Variants in MANEAL observed in about 807,000 individuals in gnomAD.
MANEAL encodes the protein mannosidase endo-alpha like.
A neutral mutation model predicts 35.9 loss-of-function variants in MANEAL; 28 were observed. The ratio of observed to expected loss-of-function variants is 0.78; its 90% CI spans 0.58 to 1.07. MANEAL has a LOEUF of 1.07. Ranked by LOEUF, MANEAL falls within the 50% of genes least tolerant of loss-of-function variation. The probability of loss-of-function intolerance (pLI) is 0.00; values close to 1 mark genes in which losing one functional copy is unlikely to be tolerated. For synonymous variants in MANEAL, 286 were observed against 272.2 expected, an observed-to-expected ratio of 1.05 and a Z score of -0.50; for missense variants, 576 against 629.6, an observed-to-expected ratio of 0.91 and a Z score of 0.91.
chr1:37,800,338 C>T lies in MANEAL; in HGVS notation c.*135C>T. 1 of 1,094,142 alleles carries T rather than the reference C, an allele frequency of 9.1e-7. No homozygotes were observed. The highest frequency in any genetic ancestry group is 1.3e-6 in the Non-Finnish European group (1 of 771,770). 67.8% of individuals were successfully genotyped at this position (1,094,142 alleles called of 1,614,324 possible). On this transcript the variant is annotated 3_prime_UTR_variant, in exon 4 of 4. Transcript: ENST00000373045. ...CAGCAGATGGGTGTTTCTGGGTGGG[C>T]CGTCAGGCATGGGCCTGTGCAACAC...
rs762626346 is a variant in MANEAL, at chr1:37,794,302, G to T, written c.120G>T (p.Pro40=). 8.3e-7 allele frequency: 1 copy of T among 1,199,502 alleles called. No individual in the cohort carries two copies. The allele number at this position is 1,199,502 out of a possible 1,614,324, so 74.3% of individuals were successfully genotyped here. A position where few individuals can be genotyped will look rare whatever the true frequency, so the allele number is the denominator to read the frequency against. ...KAPDGLPALG[P]GLELAPFERR... is the part of the protein sequence containing the mutation. ...CGGACGGACTCCCGGCGCTGGGCCC[G>T]GGCCTGGAGCTGGCGCCCTTTGAGC... The change falls in exon 1 of 4, where the codon CCG becomes CCT. Residue 40 remains proline (P), a synonymous_variant. Coordinates refer to ENST00000373045, the MANE Select transcript of MANEAL (RefSeq NM_001113482.2). The surrounding 1 kb of genome is among the most constrained non-coding windows in gnomAD (Gnocchi z 5.7).
chr1:37,796,747 GCCTTCCACATCCAAC>G lies in MANEAL; in HGVS notation c.668_682del (p.Phe223_Pro227del). 3.1e-6 allele frequency: 5 copies of G among 1,594,378 alleles called. No individual in the cohort carries two copies. Among genetic ancestry groups the G allele is most frequent in the Non-Finnish European group, 4.3e-6 (5 of 1,171,232 alleles). ...ATTACTCCTCTGTTTGTGGCAGGTG[GCCTTCCACATCCAAC>G]CCTACAAGGGCCGGGATGACATCAC... On this transcript the variant is annotated inframe_deletion, in exon 3 of 4. Coordinates refer to ENST00000373045, the MANE Select transcript of MANEAL (RefSeq NM_001113482.2).
intron 1 of MANEAL, 80 bp from the exon 2 acceptor site, chr1:37,795,657 T>G: frequency 1.3e-6 from 2 of 1,595,852 alleles, no homozygotes; most frequent in Non-Finnish European, 1.7e-6. Context: ...TTTTTGCAAT[T>G]GGAGATGTTT....
At chr1:37,796,087 A>G (rs1039529142) in intron 2 of MANEAL, among the ~76,000 whole-genome samples, 1 of 152,210 alleles carries the variant, frequency 6.6e-6, no homozygotes, top group African/African-American at 2.4e-5. Context: ...CTAAATAATT[A>G]TCACTTTTGT....
At chr1:37,798,798 A>G (rs1295124927) in intron 3 of MANEAL, among the ~76,000 whole-genome samples, 2 of 151,758 alleles carry the variant, frequency 1.3e-5, no homozygotes, top group East Asian at 1.9e-4. Context: ...CAGCACTTTG[A>G]GAGGCTGAGG....
chr1:37,794,274 C>A lies in MANEAL; in HGVS notation c.92C>A (p.Ala31Asp). Reference protein sequence around the residue: ...GTLMGLRTLKAPDGLPALGPG... With the variant: ...GTLMGLRTLKDPDGLPALGPG... ...CTCATGGGTCTGCGCACGCTCAAGGCTCCGGACGGACTCCCGGCGCTGGGC... is the reference window on the plus strand; with the variant it reads ...CTCATGGGTCTGCGCACGCTCAAGGATCCGGACGGACTCCCGGCGCTGGGC... The change falls in exon 1 of 4, where the codon GCT (alanine) becomes GAT (aspartate). Residue 31 changes from alanine (A) to aspartate (D), a missense_variant. Physicochemically the swap from Ala to Asp is moderately radical, Grantham distance 126 (BLOSUM62 -2). Coordinates refer to ENST00000373045, the MANE Select transcript of MANEAL (RefSeq NM_001113482.2). The surrounding 1 kb of genome is among the most constrained non-coding windows in gnomAD (Gnocchi z 5.7). 1 of 1,271,852 alleles carries A rather than the reference C, an allele frequency of 7.9e-7. No homozygotes were observed. Among genetic ancestry groups the A allele is most frequent in the Non-Finnish European group, 1.0e-6 (1 of 994,626 alleles). The allele number at this position is 1,271,852 out of a possible 1,614,324, so 78.8% of individuals were successfully genotyped here. A position where few individuals can be genotyped will look rare whatever the true frequency, so the allele number is the denominator to read the frequency against.
At chr1:37,795,946 A>G in intron 2 of MANEAL, 100 bp downstream of exon 2, 2 of 1,000,144 alleles carry the variant, frequency 2.0e-6, no homozygotes, top group Non-Finnish European at 3.1e-6. Flanking sequence ...TCTTGGCAGT[A>G]GCCCAAAGGG....
intron 1 of MANEAL, 91 bp from the exon 2 acceptor site, chr1:37,795,646 A>G (rs1569808361): frequency 2.0e-5 from 32 of 1,588,548 alleles, no homozygotes; most frequent in Non-Finnish European, 2.7e-5. Flanking sequence ...TTTAGGAACC[A>G]TTTTTGCAAT....
In MANEAL at chr1:37,794,200, C is replaced by T. The variant is rs148867601; in HGVS notation, c.18C>T (p.Arg6=). 3,537 of 1,291,738 alleles carry T rather than the reference C, an allele frequency of 2.7e-3. 92 individuals carry two copies. The African/African-American group carries it at 0.051, about 19-fold the overall frequency. 80.0% of individuals were successfully genotyped at this position (1,291,738 alleles called of 1,614,324 possible). Residue 6 remains arginine (R), a synonymous_variant, in exon 1 of 4, where the codon CGC becomes CGT. Coordinates refer to ENST00000373045, the MANE Select transcript of MANEAL (RefSeq NM_001113482.2). The surrounding 1 kb of genome is among the most constrained non-coding windows in gnomAD (Gnocchi z 5.7). MARRR[R]RACIALFLVL... The stretch of plus-strand genomic sequence containing the variant: ...AGTCGGCCATGGCCCGGCGGCGGCG[C>T]CGCGCCTGCATCGCTCTGTTCCTGG...
chr1:37,794,463 C>T lies in MANEAL; in HGVS notation c.281C>T (p.Ala94Val), dbSNP rs1485857924. ...PGPAPAEAEP[A>V]PVQSLRVYSD... ...CCGGCACCCGCGGAGGCCGAGCCCG[C>T]CCCCGTGCAGAGCCTGCGCGTCTAC... is the stretch of plus-strand genomic sequence containing the variant. The change falls in exon 1 of 4, where the codon GCC (alanine) becomes GTC (valine). Residue 94 changes from alanine (A) to valine (V), a missense_variant. By Grantham distance (64) the Ala-to-Val change is moderately conservative. Coordinates refer to ENST00000373045, the MANE Select transcript of MANEAL (RefSeq NM_001113482.2). The surrounding 1 kb of genome is among the most constrained non-coding windows in gnomAD (Gnocchi z 5.7). 1.3e-6 allele frequency: 2 copies of T among 1,570,966 alleles called. No individual in the cohort carries two copies. The highest frequency in any genetic ancestry group is 1.8e-5 in the Admixed American group (1 of 54,074).
intron 2 of MANEAL, 101 bp downstream of exon 2, chr1:37,795,947 G>C (rs1414928407): frequency 3.1e-6 from 3 of 978,206 alleles, no homozygotes; most frequent in Admixed American, 2.1e-5. Context: ...CTTGGCAGTA[G>C]CCCAAAGGGA....
rs1200686119 is a variant in MANEAL, at chr1:37,794,219, T to C, written c.37T>C (p.Phe13Leu). 3 of 1,321,112 alleles carry C rather than the reference T, an allele frequency of 2.3e-6. No individual in the cohort carries two copies. The highest frequency in any genetic ancestry group is 1.6e-5 in the African/African-American group (1 of 64,118). 81.8% of individuals were successfully genotyped at this position (1,321,112 alleles called of 1,614,324 possible). A position where few individuals can be genotyped will look rare whatever the true frequency, so the allele number is the denominator to read the frequency against. ...RRRRRACIAL[F>L]LVLLFAFGTL... ...GCGGCGCCGCGCCTGCATCGCTCTG[T>C]TCCTGGTGCTGCTCTTCGCCTTCGG... is the stretch of plus-strand genomic sequence containing the variant. Residue 13 changes from phenylalanine to leucine, a missense_variant, in exon 1 of 4, where the codon TTC becomes CTC. Transcript: ENST00000373045. The surrounding 1 kb of genome is among the most constrained non-coding windows in gnomAD (Gnocchi z 5.7).
At chr1:37,795,945 T>C (rs1480970714) in intron 2 of MANEAL, 99 bp downstream of exon 2, 6 of 1,024,514 alleles carry the variant, frequency 5.9e-6, no homozygotes, top group Non-Finnish European at 9.0e-6. Context: ...TTCTTGGCAG[T>C]AGCCCAAAGG....
At position 37,794,479 on chromosome 1, in the gene MANEAL, G is replaced by A; in HGVS notation, c.297G>A (p.Leu99=). 1 of 1,594,912 alleles carries A rather than the reference G, an allele frequency of 6.3e-7. No individual in the cohort carries two copies. The highest frequency in any genetic ancestry group is 8.5e-7 in the Non-Finnish European group (1 of 1,172,170). ...CCGAGCCCGCCCCCGTGCAGAGCCT[G>A]CGCGTCTACTCGGACCTGCACGCCT... ...AEAEPAPVQS[L]RVYSDLHAFY... The change falls in exon 1 of 4, where the codon CTG becomes CTA. Residue 99 remains leucine, a synonymous_variant. Transcript: ENST00000373045. This position sits in a 1 kb window ranked among gnomAD's most constrained non-coding sequence, Gnocchi z 5.7.
chr1:37,793,928 TG>T lies in MANEAL; in HGVS notation c.-253del. The T allele has an allele frequency of 6.2e-6, 1 of 160,408 alleles. No individual in the cohort carries two copies. Among genetic ancestry groups the T allele is most frequent in the Non-Finnish European group, 1.4e-5 (1 of 73,644 alleles). The allele number at this position is 160,408 out of a possible 1,614,324, so 9.9% of individuals were successfully genotyped here. On this transcript the variant is annotated 5_prime_UTR_variant, in exon 1 of 4. Transcript: ENST00000373045. The stretch of plus-strand genomic sequence containing the variant: ...GGCCTGACTCAGGCCCCTGCTCCTG[TG>T]GCCCCGAAACTCGCCGTTCGCTGGG...
chr1:37,795,483 G>A (rs984315911), intron 1 of MANEAL: 3 of 1,319,654 alleles, frequency 2.3e-6, no homozygotes, highest in Non-Finnish European at 2.9e-6. Context: ...ACTACTTGCT[G>A]AGGCAGTCTA....
rs755914534 is a variant in MANEAL, at chr1:37,794,454, C to G, written c.272C>G (p.Ala91Gly). 4.5e-6 allele frequency: 7 copies of G among 1,548,134 alleles called. No homozygotes were observed. The highest frequency in any genetic ancestry group is 6.1e-6 in the Non-Finnish European group (7 of 1,147,038). ...TCCCCTGGGCCGGCACCCGCGGAGGCCGAGCCCGCCCCCGTGCAGAGCCTG... is the reference window on the plus strand; with the variant it reads ...TCCCCTGGGCCGGCACCCGCGGAGGGCGAGCCCGCCCCCGTGCAGAGCCTG... Reference protein sequence around the residue: ...GGSPGPAPAEAEPAPVQSLRV... With the variant: ...GGSPGPAPAEGEPAPVQSLRV... The change falls in exon 1 of 4, where the codon GCC becomes GGC. Residue 91 changes from alanine to glycine, a missense_variant. Physicochemically the swap from Ala to Gly is moderately conservative, Grantham distance 60. This residue lies in a region of MANEAL where 449 missense variants were observed against 516.1 expected (regional missense o/e 0.87). Coordinates refer to ENST00000373045, the MANE Select transcript of MANEAL (RefSeq NM_001113482.2). The surrounding 1 kb of genome is among the most constrained non-coding windows in gnomAD (Gnocchi z 5.7).
Position 37,800,182 on chromosome 1 carries a change from G to C in MANEAL, c.1353G>C (p.Glu451Asp). Reference sequence around the variant, plus strand: ...GCTGGGCGGAGCACTTCATCAAAGAGAAGGAGCAGTGGCTCATGTGAGGGG... The same window carrying C: ...GCTGGGCGGAGCACTTCATCAAAGACAAGGAGCAGTGGCTCATGTGAGGGG... ...TRRWAEHFIKEKEQWLM is the reference protein window; with the variant it reads ...TRRWAEHFIKDKEQWLM Residue 451 changes from glutamate (E) to aspartate (D), a missense_variant, in exon 4 of 4, where the codon GAG (glutamate) becomes GAC (aspartate). Physicochemically the swap from Glu to Asp is conservative, Grantham distance 45. Coordinates refer to ENST00000373045, the MANE Select transcript of MANEAL (RefSeq NM_001113482.2). 1 of 1,613,486 alleles carries C rather than the reference G, an allele frequency of 6.2e-7. No homozygotes were observed. Among genetic ancestry groups the C allele is most frequent in the Non-Finnish European group, 8.5e-7 (1 of 1,179,994 alleles).
chr1:37,795,704 T>G (rs1470729976), intron 1 of MANEAL, 33 bp from the exon 2 acceptor site: 1 of 1,613,690 alleles, frequency 6.2e-7, no homozygotes. Flanking sequence ...GGGTACTGTG[T>G]GTCTCTGAAG....
Sources: allele counts gnomAD v4.1 joint callset (sites outside exome capture counted in the v4.1 genomes callset), GRCh38; gene constraint gnomAD v4.1.1; regional missense constraint gnomAD v4.1.1; non-coding constraint Gnocchi (gnomAD v3.1); transcripts MANE v1.5; gene names NCBI Gene and HGNC (gene_info 2026-07-23, HGNC 2026-07-21).